Variants in ANKIB1 observed in about 807,000 individuals in gnomAD.
The protein encoded by ANKIB1 is ankyrin repeat and IBR domain-containing protein 1.
Under a neutral mutation model 122.1 loss-of-function variants are expected in ANKIB1, and 43 were observed. The observed-to-expected ratio is 0.35, with a 90% CI of 0.28 to 0.45. ANKIB1 has a LOEUF of 0.45. ANKIB1 is among the 20% of genes least tolerant of loss of function. The pLI, the probability that ANKIB1 is intolerant of heterozygous loss-of-function variation, is 1.00. For synonymous variants in ANKIB1, 390 were observed against 442.0 expected (o/e 0.88, Z 1.48); for missense variants, 992 against 1,329.5 (o/e 0.75, Z 3.95).
intron 1 of ANKIB1, among the ~76,000 whole-genome samples, chr7:92,287,044 AT>A (rs1313670546): frequency 1.3e-5 from 2 of 152,074 alleles, no homozygotes; most frequent in African/African-American, 2.4e-5. Context: ...AGGAGCTAGA[AT>A]TTTTTTCGCC....
At chr7:92,298,168 A>G (rs1802393313) in intron 2 of ANKIB1, among the ~76,000 whole-genome samples, 1 of 152,096 alleles carries the variant, frequency 6.6e-6, no homozygotes, top group Non-Finnish European at 1.5e-5. Flanking sequence ...ATACAGTGCT[A>G]GACACCTAGT....
intron 1 of ANKIB1, among the ~76,000 whole-genome samples, chr7:92,250,308 G>A (rs565619718): frequency 3.8e-4 from 58 of 152,182 alleles, no homozygotes; most frequent in East Asian, 1.2e-3. Flanking sequence ...CAGGAGAATC[G>A]CCTGAACCCA....
chr7:92,332,248 G>A (rs1012871194), intron 5 of ANKIB1, among the ~76,000 whole-genome samples: 6 of 152,176 alleles, frequency 3.9e-5, no homozygotes, highest in African/African-American at 1.4e-4. Flanking sequence ...AGTGATGCTT[G>A]TGAGTTAGTG....
chr7:92,275,653 G>T (rs73407600), intron 1 of ANKIB1, among the ~76,000 whole-genome samples: 6,604 of 152,212 alleles, frequency 0.043, 423 homozygotes, highest in African/African-American at 0.15. Context: ...AGAACTGGGG[G>T]TGATGCACCA....
intron 11 of ANKIB1, among the ~76,000 whole-genome samples, chr7:92,380,026 C>T (rs941151779): frequency 2.6e-5 from 4 of 152,188 alleles, no homozygotes; most frequent in African/African-American, 9.7e-5. Flanking sequence ...CCGGGAAAAT[C>T]GGGACACTGC....
chr7:92,249,375 A>G (rs922521740), intron 1 of ANKIB1, among the ~76,000 whole-genome samples: 1 of 152,186 alleles, frequency 6.6e-6, no homozygotes, highest in Non-Finnish European at 1.5e-5. Flanking sequence ...GGCTTCTCTT[A>G]CAGGTTTTTA....
intron 4 of ANKIB1, among the ~76,000 whole-genome samples, chr7:92,320,322 A>C (rs985068029): frequency 6.6e-6 from 1 of 151,972 alleles, no homozygotes. Flanking sequence ...CTTCCCTTCT[A>C]CTCTGATGGA....
chr7:92,392,341 C>T (rs772781495), intron 17 of ANKIB1, 49 bp downstream of exon 17: 58 of 1,510,094 alleles, frequency 3.8e-5, no homozygotes, highest in East Asian at 3.0e-4. Flanking sequence ...TTAGTGCAGT[C>T]GTGCTTGCAT....
intron 5 of ANKIB1, among the ~76,000 whole-genome samples, chr7:92,328,970 CT>C (rs766176211): frequency 0.027 from 3,668 of 138,090 alleles, 145 homozygotes; most frequent in African/African-American, 0.088. Context: ...CACAAACACA[CT>C]TTTTTTTTTT....
intron 3 of ANKIB1, among the ~76,000 whole-genome samples, chr7:92,307,988 G>A (rs1195243026): frequency 6.6e-6 from 1 of 151,092 alleles, no homozygotes; most frequent in Non-Finnish European, 1.5e-5. Flanking sequence ...GCTAATTTTT[G>A]TATTTTTGTA....
chr7:92,393,107 G>A (rs1216610306), intron 17 of ANKIB1, among the ~76,000 whole-genome samples: 1 of 151,982 alleles, frequency 6.6e-6, no homozygotes, highest in Non-Finnish European at 1.5e-5. Context: ...GGAAATCTTT[G>A]TTTGTAATGT....
chr7:92,349,439 T>G (rs548700369), intron 7 of ANKIB1, among the ~76,000 whole-genome samples: 1 of 152,080 alleles, frequency 6.6e-6, no homozygotes, highest in African/African-American at 2.4e-5. Context: ...GTTGCTGCTG[T>G]TGTTGTTGTT....
At position 92,398,787 on chromosome 7, in the gene ANKIB1, G is replaced by C; in HGVS notation, c.3108G>C (p.Gln1036His). 1 of 1,611,870 alleles carries C rather than the reference G, an allele frequency of 6.2e-7. No individual in the cohort carries two copies. The highest frequency in any genetic ancestry group is 8.5e-7 in the Non-Finnish European group (1 of 1,178,900). ...GTGTCAGTGAAGGTAGAGGAACCCA[G>C]ATAGAAGAAAATCCTTTGGAAGAAA... is the stretch of plus-strand genomic sequence containing the variant. ...DASVSEGRGTQIEENPLEENI... is the reference protein window; with the variant it reads ...DASVSEGRGTHIEENPLEENI... Residue 1036 changes from glutamine to histidine, a missense_variant, in exon 20 of 20, where the codon CAG becomes CAC. Physicochemically the swap from Gln to His is conservative, Grantham distance 24 (BLOSUM62 0). This residue lies in a region of ANKIB1 where 384 missense variants were observed against 412.0 expected (regional missense o/e 0.93). Transcript: ENST00000265742.
At chr7:92,385,633 A>G (rs1047108042) in intron 11 of ANKIB1, among the ~76,000 whole-genome samples, 4 of 152,344 alleles carry the variant, frequency 2.6e-5, no homozygotes, top group Admixed American at 2.6e-4. Flanking sequence ...TCACAAGGAC[A>G]GAAAAACGAA....
At chr7:92,319,776 A>G (rs1802865954) in intron 4 of ANKIB1, 2 of 334,980 alleles carry the variant, frequency 6.0e-6, no homozygotes, top group Middle Eastern at 8.7e-4. Flanking sequence ...TCTACAAAAA[A>G]TTTTAAAAAT....
At chr7:92,270,977 A>G (rs1405108399) in intron 1 of ANKIB1, among the ~76,000 whole-genome samples, 1 of 151,880 alleles carries the variant, frequency 6.6e-6, no homozygotes, top group Non-Finnish European at 1.5e-5. Context: ...CCAATTTATC[A>G]ATTTTTTTCT....
In ANKIB1 at chr7:92,297,493, A is replaced by G. The variant is rs141692122; in HGVS notation, c.188+2327A>G. On this transcript the variant is annotated intron_variant, in intron 2 of 19. Transcript: ENST00000265742. ...CTAATGTTTATTATTTCTCACCGCTATAATCCTTAATATCTTTAAATCATC... is the reference window on the plus strand; with the variant it reads ...CTAATGTTTATTATTTCTCACCGCTGTAATCCTTAATATCTTTAAATCATC... 3.4e-3 allele frequency among the ~76,000 whole-genome samples: 520 copies of G among 152,284 alleles called. 1 individual carries two copies. Among genetic ancestry groups the G allele is most frequent in the Non-Finnish European group, 5.9e-3 (399 of 68,012 alleles).
intron 5 of ANKIB1, among the ~76,000 whole-genome samples, chr7:92,336,373 G>T (rs576748339): frequency 4.6e-5 from 7 of 150,858 alleles, no homozygotes; most frequent in Admixed American, 1.3e-4. Context: ...CTGGCCTTTT[G>T]TACTTTACAA....
intron 11 of ANKIB1, among the ~76,000 whole-genome samples, chr7:92,376,632 A>G (rs529231774): frequency 6.6e-6 from 1 of 151,884 alleles, no homozygotes; most frequent in South Asian, 2.1e-4. Flanking sequence ...TATTTTTAGT[A>G]GAGAAGGGGT....
Sources: allele counts gnomAD v4.1 joint callset (sites outside exome capture counted in the v4.1 genomes callset), GRCh38; gene constraint gnomAD v4.1.1; regional missense constraint gnomAD v4.1.1; transcripts MANE v1.5; gene names NCBI Gene and HGNC (gene_info 2026-07-23, HGNC 2026-07-21).